RBPJ: variants seen among roughly 807,000 people sequenced by gnomAD.
The protein encoded by RBPJ is recombining binding protein suppressor of hairless.
Under a neutral mutation model 67.8 loss-of-function variants are expected in RBPJ, and 9 were observed. The ratio of observed to expected loss-of-function variants is 0.13; its 90% CI spans 0.08 to 0.23. RBPJ has a LOEUF of 0.23. Ranked by LOEUF, RBPJ falls within the 10% of genes least tolerant of loss-of-function variation. RBPJ has a pLI of 1.00. For missense variants in RBPJ, 305 were observed against 595.6 expected (o/e 0.51, Z 5.08); for synonymous variants, 198 against 203.3 (o/e 0.97, Z 0.22).
At chr4:26,293,296 G>A (rs1428517858) in intron 1 of RBPJ, among the ~76,000 whole-genome samples, 5 of 150,004 alleles carry the variant, frequency 3.3e-5, no homozygotes, top group Admixed American at 2.7e-4. Flanking sequence ...CTGGAAGGTG[G>A]TGCCCTCAGC....
chr4:26,195,683 C>T (rs1418387509), intron 1 of RBPJ, among the ~76,000 whole-genome samples: 2 of 152,172 alleles, frequency 1.3e-5, no homozygotes, highest in African/African-American at 4.8e-5. Context: ...CAACCTCCGC[C>T]TCCCAGGTTC....
chr4:26,139,880 A>G, the RBPJ span, among the ~76,000 whole-genome samples: 60 of 152,312 alleles, frequency 3.9e-4, no homozygotes, highest in East Asian at 9.8e-3. Flanking sequence ...AAGACTCTAT[A>G]TTCTACAAAG....
At chr4:26,333,599 A>T (rs73245764) in intron 1 of RBPJ, among the ~76,000 whole-genome samples, 723 of 152,226 alleles carry the variant, frequency 4.7e-3, no homozygotes, top group Non-Finnish European at 7.4e-3. Context: ...TCTGTTACCC[A>T]GGCAGACTTG....
At chr4:26,275,483 G>GA (rs1271773286) in intron 1 of RBPJ, among the ~76,000 whole-genome samples, 1 of 152,144 alleles carries the variant, frequency 6.6e-6, no homozygotes, top group Non-Finnish European at 1.5e-5. Context: ...ACCGGAAAAA[G>GA]AAATTAAAAC....
chr4:26,429,765 C>A, intron 8 of RBPJ, 133 bp from the exon 9 acceptor site: 1 of 733,274 alleles, frequency 1.4e-6, no homozygotes, highest in Non-Finnish European at 2.2e-6. Flanking sequence ...AAGCACCATA[C>A]TTTAGAAAGT....
chr4:26,171,872 C>T (rs1200583833), intron 1 of RBPJ, among the ~76,000 whole-genome samples: 1 of 152,188 alleles, frequency 6.6e-6, no homozygotes, highest in Non-Finnish European at 1.5e-5. Flanking sequence ...GCCACCTGCC[C>T]CTGTCATCAG....
Position 26,305,316 on chromosome 4 carries a change from G to T in RBPJ, c.-166-57130G>T, listed in dbSNP as rs1189068295. Reference sequence around the variant, plus strand: ...TTTTTCAAGATTGTTTGGCTATTGTGGGTTCCATAAAATTGTGGCTGTCCT... The same window carrying T: ...TTTTTCAAGATTGTTTGGCTATTGTTGGTTCCATAAAATTGTGGCTGTCCT... On this transcript the variant is annotated intron_variant, in intron 1 of 4. Coordinates refer to the RBPJ transcript ENST00000512351. Among the ~76,000 whole-genome samples, 3 of 152,278 alleles carry T rather than the reference G, an allele frequency of 2.0e-5. No individual in the cohort carries two copies. In the East Asian group the frequency reaches 5.8e-4, roughly 29 times the overall value.
the RBPJ span, among the ~76,000 whole-genome samples, chr4:26,114,357 G>T: frequency 6.6e-6 from 1 of 151,498 alleles, no homozygotes; most frequent in Admixed American, 6.6e-5. Context: ...TACTCAAGAG[G>T]CTGAGGCAGG....
chr4:26,401,232 A>G (rs1732761957), intron 2 of RBPJ, among the ~76,000 whole-genome samples: 1 of 152,358 alleles, frequency 6.6e-6, no homozygotes, highest in East Asian at 1.9e-4. Flanking sequence ...GAGAAAACTC[A>G]GGCTTAGTGA....
the RBPJ span, among the ~76,000 whole-genome samples, chr4:26,140,807 G>A: frequency 7.0e-6 from 1 of 143,152 alleles, no homozygotes; most frequent in South Asian, 2.2e-4. Context: ...GGATGCCCGA[G>A]CCCAATCTGG....
At chr4:26,318,125 A>G (rs906008485), upstream of RBPJ, among the ~76,000 whole-genome samples, 1 of 151,372 alleles carries the variant, frequency 6.6e-6, no homozygotes, top group Non-Finnish European at 1.5e-5. Context: ...AAACACACAC[A>G]CACGCACACA....
chr4:26,348,296 G>A (rs1726390418), intron 1 of RBPJ, among the ~76,000 whole-genome samples: 1 of 151,978 alleles, frequency 6.6e-6, no homozygotes, highest in African/African-American at 2.4e-5. Context: ...AAAATATTCT[G>A]TGTTTGTCTC....
At chr4:26,313,256 G>C (rs1324534345) in intron 1 of RBPJ, among the ~76,000 whole-genome samples, 1 of 152,138 alleles carries the variant, frequency 6.6e-6, no homozygotes, top group Non-Finnish European at 1.5e-5. Flanking sequence ...TCTATGCCTG[G>C]TGCAGTGGCT....
At chr4:26,195,606 G>A (rs954830302) in intron 1 of RBPJ, among the ~76,000 whole-genome samples, 4 of 151,710 alleles carry the variant, frequency 2.6e-5, no homozygotes, top group Admixed American at 1.3e-4. Flanking sequence ...TTTGGTTTTT[G>A]TTTTTTGAGA....
intron 3 of RBPJ, among the ~76,000 whole-genome samples, chr4:26,406,740 A>G (rs1339194067): frequency 2.0e-5 from 3 of 152,248 alleles, no homozygotes; most frequent in Non-Finnish European, 4.4e-5. Context: ...GAGAACAAAG[A>G]AGAGAGGAAG....
intron 1 of RBPJ, among the ~76,000 whole-genome samples, chr4:26,331,401 T>C (rs1724240790): frequency 6.6e-6 from 1 of 152,100 alleles, no homozygotes. Context: ...GTTTTTTTTT[T>C]TCCCATACCT....
At chr4:26,208,756 A>T (rs1718256775) in intron 1 of RBPJ, among the ~76,000 whole-genome samples, 1 of 152,116 alleles carries the variant, frequency 6.6e-6, no homozygotes, top group Admixed American at 6.6e-5. Context: ...ATTCCATGTA[A>T]ATAGACATTG....
At chr4:26,260,278 G>T (rs549594694) in intron 1 of RBPJ, among the ~76,000 whole-genome samples, 1 of 152,168 alleles carries the variant, frequency 6.6e-6, no homozygotes, top group Admixed American at 6.5e-5. Flanking sequence ...ATGTACTAAT[G>T]GCCCTAATCA....
the RBPJ span, among the ~76,000 whole-genome samples, chr4:26,111,174 A>T: frequency 6.6e-6 from 1 of 151,674 alleles, no homozygotes; most frequent in Non-Finnish European, 1.5e-5. Flanking sequence ...TCTCCACTCT[A>T]CTGTCAGAGA....
Sources: allele counts gnomAD v4.1 joint callset (sites outside exome capture counted in the v4.1 genomes callset), GRCh38; gene constraint gnomAD v4.1.1; transcripts MANE v1.5; gene names NCBI Gene and HGNC (gene_info 2026-07-23, HGNC 2026-07-21).